TANC1: variants seen among roughly 807,000 people sequenced by gnomAD.
The protein encoded by TANC1 is tetratricopeptide repeat, ankyrin repeat and coiled-coil containing 1, also known as protein TANC1.
In TANC1, 77 loss-of-function variants were observed where a neutral mutation model predicts 149.7. The ratio of observed to expected loss-of-function variants is 0.51; its 90% CI spans 0.43 to 0.62. TANC1 has a LOEUF of 0.62. Ranked by LOEUF, TANC1 falls within the 20% of genes least tolerant of loss-of-function variation. The pLI, the probability that TANC1 is intolerant of heterozygous loss-of-function variation, is 0.00. For missense variants in TANC1, 1,985 were observed against 2,321.8 expected (o/e 0.85, Z 2.98); for synonymous variants, 854 against 925.0 (o/e 0.92, Z 1.39).
rs540497772 is a variant in TANC1 at position 159,225,542 on chromosome 2, C to T, written c.3812-146C>T. On this transcript the variant is annotated intron_variant, in intron 23 of 26. Transcript: ENST00000263635. ...GGGAAAGGATTAGCAACAGCCTCGC[C>T]GGCGTCCTGCTCCCTCCCTCATCGT... 181 of 653,314 alleles carry T rather than the reference C, an allele frequency of 2.8e-4. 1 individual carries two copies. The South Asian group carries it at 2.9e-3, about 11-fold the overall frequency. The allele number at this position is 653,314 out of a possible 1,614,324, so 40.5% of individuals were successfully genotyped here. A position where few individuals can be genotyped will look rare whatever the true frequency, so the allele number is the denominator to read the frequency against.
At chr2:159,222,247 C>T (rs753463601) in intron 22 of TANC1, among the ~76,000 whole-genome samples, 1 of 151,966 alleles carries the variant, frequency 6.6e-6, no homozygotes, top group Non-Finnish European at 1.5e-5. Flanking sequence ...TTTTTAATAC[C>T]GTGGCAAAAA....
intron 2 of TANC1, among the ~76,000 whole-genome samples, chr2:159,043,091 G>A (rs1311172087): frequency 6.6e-6 from 1 of 152,136 alleles, no homozygotes; most frequent in African/African-American, 2.4e-5. Flanking sequence ...AGGAAGGAAT[G>A]GATTCTCTTG....
chr2:159,169,732 C>T (rs1247172218), intron 9 of TANC1, among the ~76,000 whole-genome samples: 1 of 152,090 alleles, frequency 6.6e-6, no homozygotes, highest in Non-Finnish European at 1.5e-5. Context: ...GTGGCTCATG[C>T]CTGTAATCCC....
chr2:158,981,494 TATA>T (rs1559096071), intron 1 of TANC1, among the ~76,000 whole-genome samples: 3 of 6,306 alleles, frequency 4.8e-4, no homozygotes, highest in Admixed American at 1.8e-3. Context: ...ATAGCTTTTA[TATA>T]TATATATATA....
In TANC1 at chr2:159,053,790, A is replaced by G. The variant is rs1459585095; in HGVS notation, c.-15-12106A>G. Among the ~76,000 whole-genome samples the G allele has an allele frequency of 2.0e-5, 3 of 152,170 alleles. No homozygotes were observed. The East Asian group carries it at 5.8e-4, about 29-fold the overall frequency. ...TGACACAAAGGTGTCTGTCTCCCCA[A>G]ATCCTCCATATTGGCATTGTAGCCC... is the stretch of plus-strand genomic sequence containing the variant. On this transcript the variant is annotated intron_variant, in intron 2 of 26. Coordinates refer to ENST00000263635, the MANE Select transcript of TANC1 (RefSeq NM_033394.3).
At chr2:159,043,234 C>T (rs762697055) in intron 2 of TANC1, among the ~76,000 whole-genome samples, 1 of 152,118 alleles carries the variant, frequency 6.6e-6, no homozygotes, top group African/African-American at 2.4e-5. Flanking sequence ...CTGTGCCTCT[C>T]GTCTCATAGG....
intron 4 of TANC1, 112 bp downstream of exon 4, chr2:159,097,946 C>A: frequency 3.3e-6 from 3 of 907,950 alleles, no homozygotes; most frequent in South Asian, 3.5e-5. Context: ...TTCTTTGTCG[C>A]AGTATCTTCT....
At chr2:159,117,255 C>T (rs979315892) in intron 4 of TANC1, among the ~76,000 whole-genome samples, 6 of 152,236 alleles carry the variant, frequency 3.9e-5, no homozygotes, top group Admixed American at 6.5e-5. Context: ...TTCAGAATAG[C>T]GTTAGATTTA....
At chr2:159,153,631 A>C (rs1204047744) in intron 7 of TANC1, among the ~76,000 whole-genome samples, 1 of 150,880 alleles carries the variant, frequency 6.6e-6, no homozygotes, top group Non-Finnish European at 1.5e-5. Flanking sequence ...TTTCCTCTCC[A>C]GGCAGACTGT....
intron 19 of TANC1, among the ~76,000 whole-genome samples, chr2:159,199,608 A>G (rs900419500): frequency 6.6e-5 from 10 of 152,344 alleles, no homozygotes; most frequent in South Asian, 6.2e-4. Flanking sequence ...ATCCTGGTGA[A>G]GATTTGAGCT....
At chr2:159,156,537 A>G (rs889960502) in intron 7 of TANC1, among the ~76,000 whole-genome samples, 2 of 152,210 alleles carry the variant, frequency 1.3e-5, no homozygotes, top group Non-Finnish European at 2.9e-5. Flanking sequence ...CTATTGTCAA[A>G]ACTTGTCCAC....
intron 4 of TANC1, among the ~76,000 whole-genome samples, chr2:159,100,795 C>G (rs943326491): frequency 1.3e-5 from 2 of 151,822 alleles, no homozygotes; most frequent in African/African-American, 2.4e-5. Context: ...TTTTCAGTGT[C>G]TAACACAGAT....
intron 1 of TANC1, among the ~76,000 whole-genome samples, chr2:158,988,506 C>G (rs1395270489): frequency 6.6e-6 from 1 of 152,012 alleles, no homozygotes; most frequent in Non-Finnish European, 1.5e-5. Context: ...AGAGGAGCAT[C>G]TTCCTTTATT....
At chr2:159,229,341 T>C (rs4664275) in intron 26 of TANC1, among the ~76,000 whole-genome samples, 63,659 of 151,750 alleles carry the variant, frequency 0.42, 13,925 homozygotes, top group East Asian at 0.63. Context: ...CTATTCCCAG[T>C]CCAGTGGTCT....
chr2:159,225,347 G>A, intron 23 of TANC1: 1 of 379,532 alleles, frequency 2.6e-6, no homozygotes, highest in Non-Finnish European at 5.0e-6. Context: ...ACACATGCCT[G>A]CACGGTGGCC....
chr2:159,194,164 A>T, intron 16 of TANC1, 93 bp from the exon 17 acceptor site: 1 of 983,800 alleles, frequency 1.0e-6, no homozygotes, highest in Non-Finnish European at 1.6e-6. Context: ...CCACTGGATT[A>T]AAATGATACC....
At chr2:159,037,429 C>G (rs1230357835) in intron 2 of TANC1, among the ~76,000 whole-genome samples, 1 of 152,116 alleles carries the variant, frequency 6.6e-6, no homozygotes, top group Non-Finnish European at 1.5e-5. Context: ...AAGTCTTTGC[C>G]CGTGCCTATG....
At chr2:159,168,991 G>A (rs956016156) in intron 8 of TANC1, among the ~76,000 whole-genome samples, 1 of 152,090 alleles carries the variant, frequency 6.6e-6, no homozygotes, top group African/African-American at 2.4e-5. Context: ...GGTGAATTCT[G>A]TCTCTTTCCA....
intron 25 of TANC1, chr2:159,228,521 T>C (rs1311323965): frequency 1.2e-5 from 5 of 432,744 alleles, no homozygotes; most frequent in African/African-American, 2.0e-5. Context: ...CGCTCCTCTC[T>C]GAGGCTGCCC....
Sources: gnomAD v4.1 joint callset for allele counts (sites outside exome capture counted in the v4.1 genomes callset) on GRCh38, gnomAD v4.1.1 for gene constraint, MANE v1.5 for transcripts, NCBI Gene and HGNC (gene_info 2026-07-23, HGNC 2026-07-21) for gene names.